Variants in PHKB observed in about 807,000 individuals in gnomAD.
PHKB encodes phosphorylase b kinase regulatory subunit beta.
Under a neutral mutation model 152.1 loss-of-function variants are expected in PHKB, and 122 were observed. That is an observed-to-expected ratio of 0.80 (90% CI 0.69 to 0.93). The LOEUF is 0.93. Among genes scored for constraint, PHKB ranks in the 40% least tolerant of loss-of-function variants. The pLI, the probability that PHKB is intolerant of heterozygous loss-of-function variation, is 0.00. For missense variants in PHKB, 1,304 were observed against 1,328.4 expected (o/e 0.98, Z 0.29); for synonymous variants, 436 against 464.9 (o/e 0.94, Z 0.80).
chr16:47,545,189 C>T (rs1334080684), intron 6 of PHKB, among the ~76,000 whole-genome samples: 3 of 152,264 alleles, frequency 2.0e-5, no homozygotes, highest in South Asian at 2.1e-4. Context: ...TTCCTAGCAT[C>T]GATGGTCTTT....
chr16:47,621,396 C>T (rs904687692), intron 14 of PHKB, among the ~76,000 whole-genome samples: 4 of 152,252 alleles, frequency 2.6e-5, no homozygotes, highest in African/African-American at 7.2e-5. Flanking sequence ...GGACTTGTAG[C>T]GATTTCCCTT....
intron 12 of PHKB, among the ~76,000 whole-genome samples, chr16:47,594,649 A>C (rs946920511): frequency 6.6e-6 from 1 of 152,104 alleles, no homozygotes; most frequent in Non-Finnish European, 1.5e-5. Context: ...TTAGCATTGT[A>C]TTTTGAACAT....
intron 7 of PHKB, among the ~76,000 whole-genome samples, chr16:47,574,252 G>A (rs544522114): frequency 1.3e-5 from 2 of 152,144 alleles, no homozygotes; most frequent in South Asian, 2.1e-4. Flanking sequence ...CAGCACCAGT[G>A]CTTGGTAGGG....
Position 47,511,723 on chromosome 16 carries a change from T to C in PHKB, c.464T>C (p.Val155Ala). Residue 155 changes from valine to alanine, a missense_variant, in exon 5 of 31, where the codon GTG becomes GCG. Physicochemically the swap from Val to Ala is moderately conservative, Grantham distance 64. Transcript: ENST00000323584. ...PTTCLHSVFNVHTGDELLSYE... is the reference protein window; with the variant it reads ...PTTCLHSVFNAHTGDELLSYE... ...ACATGTCTTCACTCTGTTTTCAATG[T>C]GCATACAGGAGATGAGTTGCTTTCC... 6.2e-7 allele frequency: 1 copy of C among 1,613,180 alleles called. No homozygotes were observed. Among genetic ancestry groups the C allele is most frequent in the Non-Finnish European group, 8.5e-7 (1 of 1,179,090 alleles).
chr16:47,519,845 A>AT (rs972741298), intron 6 of PHKB, among the ~76,000 whole-genome samples: 39 of 151,844 alleles, frequency 2.6e-4, no homozygotes, highest in African/African-American at 2.2e-4. Flanking sequence ...TTAAGGTGGG[A>AT]TTTTTTTTCC....
At chr16:47,567,182 G>T (rs1971584443) in intron 7 of PHKB, among the ~76,000 whole-genome samples, 1 of 152,090 alleles carries the variant, frequency 6.6e-6, no homozygotes, top group African/African-American at 2.4e-5. Flanking sequence ...ATTGCTTTGG[G>T]CAGTATTGTC....
chr16:47,485,492 G>A lies in PHKB; in HGVS notation c.77-11907G>A, dbSNP rs537105721. Among the ~76,000 whole-genome samples the A allele has an allele frequency of 9.8e-5, 15 of 152,332 alleles. No individual in the cohort carries two copies. The East Asian group carries it at 2.9e-3, about 29-fold the overall frequency. On this transcript the variant is annotated intron_variant, in intron 1 of 30. Transcript: ENST00000323584. ...TTATTAAATCAGAGAATGTGGATGG[G>A]ACAGTAGCAGGAGATAGGGTAGTCT...
rs140839359 is a variant in PHKB, at chr16:47,499,402, A to T, written c.167-354A>T. Among the ~76,000 whole-genome samples the T allele has an allele frequency of 3.7e-3, 568 of 152,290 alleles. 5 individuals are homozygous for T. Among genetic ancestry groups the T allele is most frequent in the African/African-American group, 0.013 (555 of 41,560 alleles). On this transcript the variant is annotated intron_variant, in intron 2 of 30. Coordinates refer to ENST00000323584, the MANE Select transcript of PHKB (RefSeq NM_000293.3). ...AAGTTTACCTATTGAACTGATTTTT[A>T]AAAAATATTATACTTAGTCTTTTGC...
rs1969863808 is a variant in PHKB, at chr16:47,476,111, C to A, written c.76+14685C>A. 3.3e-5 allele frequency among the ~76,000 whole-genome samples: 5 copies of A among 152,096 alleles called. No homozygotes were observed. In the South Asian group the frequency reaches 1.0e-3, roughly 31 times the overall value. On this transcript the variant is annotated intron_variant, in intron 1 of 30. Transcript: ENST00000323584. ...TCTCAAGCTCCTGTCCTCAAGCAAT[C>A]CTTTCTTCTCAGCCTCTCAAAGTGC...
chr16:47,670,664 A>G (rs1189724485), intron 26 of PHKB, among the ~76,000 whole-genome samples: 1 of 151,894 alleles, frequency 6.6e-6, no homozygotes, highest in African/African-American at 2.4e-5. Flanking sequence ...TAATTTTTGT[A>G]TTTTTAGTAG....
At chr16:47,675,201 T>A (rs895179958) in intron 26 of PHKB, among the ~76,000 whole-genome samples, 1 of 152,132 alleles carries the variant, frequency 6.6e-6, no homozygotes, top group African/African-American at 2.4e-5. Context: ...TTGGAACTAG[T>A]GTGAGTGACG....
At chr16:47,567,046 T>C (rs533423580) in intron 7 of PHKB, among the ~76,000 whole-genome samples, 1 of 152,324 alleles carries the variant, frequency 6.6e-6, no homozygotes, top group African/African-American at 2.4e-5. Context: ...ATTTCTTCTT[T>C]TTGCTTTGGA....
intron 20 of PHKB, among the ~76,000 whole-genome samples, chr16:47,655,064 T>C (rs1973310857): frequency 6.6e-6 from 1 of 152,112 alleles, no homozygotes; most frequent in Non-Finnish European, 1.5e-5. Flanking sequence ...AATGAAAAAT[T>C]CAGTCACCAA....
intron 1 of PHKB, among the ~76,000 whole-genome samples, chr16:47,487,939 C>T (rs1970077464): frequency 1.3e-5 from 2 of 152,100 alleles, no homozygotes; most frequent in African/African-American, 2.4e-5. Flanking sequence ...GATTTATATT[C>T]CTTTGAGTAT....
In PHKB at chr16:47,467,222, T is replaced by C. The variant is rs144354650; in HGVS notation, c.76+5796T>C. On this transcript the variant is annotated intron_variant, in intron 1 of 30. Transcript: ENST00000323584. Reference sequence around the variant, plus strand: ...CAAATATGATTTCTTATCTCTCTCATTTTGGTATCTACCCTCAAAATAGCC... The same window carrying C: ...CAAATATGATTTCTTATCTCTCTCACTTTGGTATCTACCCTCAAAATAGCC... Among the ~76,000 whole-genome samples, 1,360 of 152,346 alleles carry C rather than the reference T, an allele frequency of 8.9e-3. 11 individuals are homozygous for C. The highest frequency in any genetic ancestry group is 0.013 in the Non-Finnish European group (912 of 68,032).
intron 7 of PHKB, among the ~76,000 whole-genome samples, chr16:47,554,852 A>C (rs566871702): frequency 1.3e-5 from 2 of 152,116 alleles, no homozygotes; most frequent in Non-Finnish European, 2.9e-5. Flanking sequence ...TGCACCCACT[A>C]TCTAACCAGT....
At chr16:47,572,125 A>C (rs1971670843) in intron 7 of PHKB, among the ~76,000 whole-genome samples, 1 of 152,170 alleles carries the variant, frequency 6.6e-6, no homozygotes, top group East Asian at 1.9e-4. Flanking sequence ...GTTGCCTGCT[A>C]CTACAGCTCA....
rs748128428 is a variant in PHKB, at chr16:47,499,856, C to G, written c.267C>G (p.Tyr89Ter). The change falls in exon 3 of 31, where the codon TAC (tyrosine) becomes TAG (stop). Residue 89 changes from tyrosine to a stop codon, truncating the protein, a stop_gained. Transcript: ENST00000323584. LOFTEE classifies it high-confidence loss of function. ...DQKAKIQDSLYCAAGAWALAL... is the reference protein window; with the variant it reads ...DQKAKIQDSL ...AGGCCAAGATCCAGGACAGCCTATA[C>G]TGCGCTGCTGGGGCCTGGGCTTTGG... 1 of 1,614,198 alleles carries G rather than the reference C, an allele frequency of 6.2e-7. No homozygotes were observed. Among genetic ancestry groups the G allele is most frequent in the Non-Finnish European group, 8.5e-7 (1 of 1,180,032 alleles).
chr16:47,692,016 A>C (rs1023607897), intron 27 of PHKB, among the ~76,000 whole-genome samples: 2 of 152,182 alleles, frequency 1.3e-5, no homozygotes, highest in African/African-American at 4.8e-5. Flanking sequence ...CAGTTATCTA[A>C]AGTAAAACAT....
Sources: allele counts gnomAD v4.1 joint callset (sites outside exome capture counted in the v4.1 genomes callset), GRCh38; gene constraint gnomAD v4.1.1; transcripts MANE v1.5; gene names NCBI Gene and HGNC (gene_info 2026-07-23, HGNC 2026-07-21).